Variants in IGF1R observed in about 807,000 individuals in gnomAD.
IGF1R encodes insulin like growth factor 1 receptor.
In IGF1R, 44 loss-of-function variants were observed where a neutral mutation model predicts 144.6. That is an observed-to-expected ratio of 0.30 (90% CI 0.24 to 0.39). The LOEUF (loss-of-function observed/expected upper bound fraction) is 0.39. Ranked by LOEUF, IGF1R falls within the 10% of genes least tolerant of loss-of-function variation. The pLI is 1.00. For synonymous variants in IGF1R, 795 were observed against 722.8 expected, an observed-to-expected ratio of 1.10 and a Z score of -1.60; for missense variants, 1,355 against 1,833.7, an observed-to-expected ratio of 0.74 and a Z score of 4.77.
At position 98,858,045 on chromosome 15, in the gene IGF1R, C is replaced by T. The variant is rs189289255; in HGVS notation, c.641-33280C>T. Among the ~76,000 whole-genome samples the T allele has an allele frequency of 3.9e-5, 6 of 152,324 alleles. No homozygotes were observed. In the East Asian group the frequency reaches 1.2e-3, roughly 29 times the overall value. On this transcript the variant is annotated intron_variant, in intron 2 of 20. Transcript: ENST00000650285. ...AACTATAAGACAAGCAAGTCGTCTT[C>T]TGTAACTGAGTATCAGCGGATTCAA...
intron 1 of IGF1R, among the ~76,000 whole-genome samples, chr15:98,658,368 T>C (rs1056079186): frequency 2.0e-5 from 3 of 152,232 alleles, no homozygotes; most frequent in Admixed American, 1.3e-4. Flanking sequence ...CCTAAAGTTA[T>C]TAACTTTTCT....
chr15:98,839,386 C>T (rs1409708848), intron 2 of IGF1R, among the ~76,000 whole-genome samples: 1 of 152,118 alleles, frequency 6.6e-6, no homozygotes, highest in Admixed American at 6.5e-5. Context: ...CCCCCACCTC[C>T]CTACCACCAC....
At chr15:98,865,738 G>GTGGA (rs2012402554) in intron 2 of IGF1R, among the ~76,000 whole-genome samples, 1 of 152,214 alleles carries the variant, frequency 6.6e-6, no homozygotes, top group Admixed American at 6.5e-5. Flanking sequence ...TCGATCACTG[G>GTGGA]TGGATCCGTC....
chr15:98,913,267 C>G lies in IGF1R; in HGVS notation c.1813C>G (p.Arg605Gly). 1 of 1,613,420 alleles carries G rather than the reference C, an allele frequency of 6.2e-7. No individual in the cohort carries two copies. The highest frequency in any genetic ancestry group is 8.5e-7 in the Non-Finnish European group (1 of 1,179,358). ...RGAKSEILYIRTNASVPSIPL... is the reference protein window; with the variant it reads ...RGAKSEILYIGTNASVPSIPL... The stretch of plus-strand genomic sequence containing the variant: ...GGCCAAGAGTGAGATCTTGTACATT[C>G]GCACCAATGCTTCAGGTATCCATGC... Residue 605 changes from arginine to glycine, a missense_variant, in exon 8 of 21, where the codon CGC (arginine) becomes GGC (glycine). Transcript: ENST00000650285.
At chr15:98,757,458 C>G (rs186697030) in intron 2 of IGF1R, among the ~76,000 whole-genome samples, 1 of 152,132 alleles carries the variant, frequency 6.6e-6, no homozygotes, top group Non-Finnish European at 1.5e-5. Flanking sequence ...GCCACCACAC[C>G]GGGCCCCTTT....
chr15:98,936,479 C>T (rs1382793767), intron 17 of IGF1R, among the ~76,000 whole-genome samples: 6 of 152,100 alleles, frequency 3.9e-5, no homozygotes, highest in South Asian at 2.1e-4. Context: ...TGGTTGCCTC[C>T]GTGGGTCTGA....
chr15:98,718,437 A>G (rs2054172340), intron 2 of IGF1R, among the ~76,000 whole-genome samples: 1 of 152,196 alleles, frequency 6.6e-6, no homozygotes, highest in Admixed American at 6.5e-5. Context: ...GGATGAAGTT[A>G]GTGAGGTTGC....
At chr15:98,684,869 T>C (rs2053285060) in intron 1 of IGF1R, among the ~76,000 whole-genome samples, 1 of 152,132 alleles carries the variant, frequency 6.6e-6, no homozygotes, top group Non-Finnish European at 1.5e-5. Context: ...TTTGAAACTT[T>C]GTGAGGAGTC....
chr15:98,693,842 G>T (rs1486184915), intron 1 of IGF1R, among the ~76,000 whole-genome samples: 1 of 152,208 alleles, frequency 6.6e-6, no homozygotes, highest in Non-Finnish European at 1.5e-5. Context: ...CTGGCCTCAA[G>T]CAGTGCGCCT....
intron 1 of IGF1R, among the ~76,000 whole-genome samples, chr15:98,665,937 T>C (rs112568311): frequency 2.7e-4 from 41 of 152,320 alleles, no homozygotes; most frequent in South Asian, 4.1e-4. Context: ...GCTAAGCGAA[T>C]ATTGCCTATG....
intron 20 of IGF1R, among the ~76,000 whole-genome samples, chr15:98,955,309 C>G (rs764742629): frequency 6.6e-6 from 1 of 152,234 alleles, no homozygotes; most frequent in Non-Finnish European, 1.5e-5. Context: ...AAGAAGCATA[C>G]TGTGGGGGCC....
At chr15:98,912,072 C>T (rs566607279) in intron 7 of IGF1R, among the ~76,000 whole-genome samples, 27 of 152,304 alleles carry the variant, frequency 1.8e-4, no homozygotes, top group African/African-American at 5.8e-4. Flanking sequence ...TTATTCCTCC[C>T]GACTGCAGCC....
chr15:98,953,356 A>T (rs1470083330), intron 20 of IGF1R, among the ~76,000 whole-genome samples: 1 of 152,210 alleles, frequency 6.6e-6, no homozygotes, highest in African/African-American at 2.4e-5. Context: ...CTTAGCAGGT[A>T]TCACAACATC....
intron 1 of IGF1R, 126 bp downstream of exon 1, chr15:98,649,801 T>C: frequency 1.4e-6 from 1 of 703,478 alleles, no homozygotes; most frequent in East Asian, 2.9e-5. Context: ...AGCGGCGGGG[T>C]GGGGCGCAGG....
chr15:98,956,934 A>C, intron 20 of IGF1R, 127 bp from the exon 21 acceptor site: 1 of 1,052,056 alleles, frequency 9.5e-7, no homozygotes, highest in South Asian at 1.3e-5. Flanking sequence ...GGAGAGGGGC[A>C]GCAGGGCTGT....
intron 2 of IGF1R, among the ~76,000 whole-genome samples, chr15:98,715,268 G>A (rs555840004): frequency 4.6e-5 from 7 of 152,322 alleles, no homozygotes; most frequent in East Asian, 1.9e-4. Context: ...TTCTTGGGGC[G>A]TGTGCCTTGT....
At chr15:98,839,751 C>T (rs1407920316) in intron 2 of IGF1R, among the ~76,000 whole-genome samples, 1 of 152,190 alleles carries the variant, frequency 6.6e-6, no homozygotes, top group African/African-American at 2.4e-5. Context: ...GCCCAGCCTC[C>T]ACAGTGGCTG....
intron 2 of IGF1R, among the ~76,000 whole-genome samples, chr15:98,775,327 A>G (rs967589964): frequency 6.6e-6 from 1 of 152,144 alleles, no homozygotes; most frequent in Admixed American, 6.5e-5. Flanking sequence ...GCACATTATT[A>G]TCACCTGGGG....
At chr15:98,821,152 C>G (rs1037517424) in intron 2 of IGF1R, among the ~76,000 whole-genome samples, 7 of 152,190 alleles carry the variant, frequency 4.6e-5, no homozygotes, top group Non-Finnish European at 1.0e-4. Flanking sequence ...TCAAGGAGAA[C>G]TCAGGCGTCC....
Sources: gnomAD v4.1 joint callset for allele counts (sites outside exome capture counted in the v4.1 genomes callset) on GRCh38, gnomAD v4.1.1 for gene constraint, MANE v1.5 for transcripts, NCBI Gene and HGNC (gene_info 2026-07-23, HGNC 2026-07-21) for gene names.